Variants in PPP3CB observed in about 807,000 individuals in gnomAD.
PPP3CB encodes serine/threonine-protein phosphatase 2B catalytic subunit beta isoform.
A neutral mutation model predicts 66.4 loss-of-function variants in PPP3CB; 8 were observed. The ratio of observed to expected loss-of-function variants is 0.12; its 90% CI spans 0.07 to 0.22. PPP3CB has a LOEUF of 0.22. PPP3CB is among the 10% of genes least tolerant of loss of function. The pLI, the probability that PPP3CB is intolerant of heterozygous loss-of-function variation, is 1.00. For missense variants in PPP3CB, 319 were observed against 642.5 expected (o/e 0.50, Z 5.44); for synonymous variants, 208 against 221.2 (o/e 0.94, Z 0.53).
Position 73,483,765 on chromosome 10 carries a change from T to C in PPP3CB, c.86-4248A>G, listed in dbSNP as rs183057097. Reference sequence around the variant, plus strand: ...GAGAACGGAGCTTCAGCAGGAGACCTGACGGGGCAAAAGATAACTGTCCAA... The same window carrying C: ...GAGAACGGAGCTTCAGCAGGAGACCCGACGGGGCAAAAGATAACTGTCCAA... On this transcript the variant is annotated intron_variant, in intron 1 of 13. Coordinates refer to ENST00000360663, the MANE Select transcript of PPP3CB (RefSeq NM_021132.4). Among the ~76,000 whole-genome samples the C allele has an allele frequency of 2.4e-3, 364 of 152,364 alleles. 2 individuals are homozygous for C. The highest frequency in any genetic ancestry group is 4.7e-3 in the Non-Finnish European group (320 of 68,038).
intron 13 of PPP3CB, among the ~76,000 whole-genome samples, chr10:73,438,874 C>T (rs2056105123): frequency 6.6e-6 from 1 of 152,046 alleles, no homozygotes; most frequent in Admixed American, 6.6e-5. Flanking sequence ...GTACCAAGAG[C>T]TTGGGAGGAG....
chr10:73,448,897 T>C (rs1198654749), intron 10 of PPP3CB, among the ~76,000 whole-genome samples: 1 of 152,184 alleles, frequency 6.6e-6, no homozygotes, highest in Non-Finnish European at 1.5e-5. Context: ...GGTAGAACTC[T>C]AAAGTAAAGA....
intron 13 of PPP3CB, among the ~76,000 whole-genome samples, chr10:73,438,722 C>A (rs555324634): frequency 5.8e-4 from 89 of 152,292 alleles, no homozygotes; most frequent in Admixed American, 5.9e-4. Context: ...GCAATGGTCT[C>A]AGGGTCTCAG....
chr10:73,469,876 T>C (rs1173563255), intron 8 of PPP3CB, among the ~76,000 whole-genome samples: 2 of 152,198 alleles, frequency 1.3e-5, no homozygotes, highest in Admixed American at 1.3e-4. Flanking sequence ...TATGGCATAG[T>C]CAACTGAATT....
chr10:73,455,406 T>G (rs1267970530), intron 9 of PPP3CB, among the ~76,000 whole-genome samples: 1 of 152,208 alleles, frequency 6.6e-6, no homozygotes, highest in Non-Finnish European at 1.5e-5. Flanking sequence ...ATCCTCAAGA[T>G]TCTCTCTGCA....
intron 4 of PPP3CB, among the ~76,000 whole-genome samples, chr10:73,472,464 C>G (rs1387046196): frequency 1.3e-5 from 2 of 149,322 alleles, no homozygotes; most frequent in Non-Finnish European, 3.0e-5. Flanking sequence ...ACTTGCACTC[C>G]AGCCTGGGCG....
At chr10:73,458,284 G>A (rs141594874) in intron 9 of PPP3CB, among the ~76,000 whole-genome samples, 7,067 of 151,840 alleles carry the variant, frequency 0.047, 503 homozygotes, top group African/African-American at 0.15. Context: ...TTACAGGCAC[G>A]CACCACCACA....
intron 9 of PPP3CB, among the ~76,000 whole-genome samples, chr10:73,455,862 G>A (rs2056418643): frequency 2.0e-5 from 3 of 152,262 alleles, no homozygotes; most frequent in South Asian, 2.1e-4. Flanking sequence ...GAGCCACCGC[G>A]CCCAGCCTGT....
intron 9 of PPP3CB, 144 bp downstream of exon 9, chr10:73,467,409 T>C (rs2056635156): frequency 1.8e-6 from 1 of 564,764 alleles, no homozygotes; most frequent in Middle Eastern, 5.0e-4. Flanking sequence ...GAGACTCTTA[T>C]GTCCACACCC....
intron 4 of PPP3CB, among the ~76,000 whole-genome samples, chr10:73,474,682 C>T (rs1324146529): frequency 6.6e-6 from 1 of 151,926 alleles, no homozygotes; most frequent in African/African-American, 2.4e-5. Context: ...TCAGGCAATC[C>T]CCCTGCCTGG....
intron 9 of PPP3CB, among the ~76,000 whole-genome samples, chr10:73,460,265 C>CA (rs11447229): frequency 0.11 from 3,978 of 35,418 alleles, 169 homozygotes; most frequent in African/African-American, 0.15. Context: ...AAAGTAATAG[C>CA]AAAAAAAAAA....
chr10:73,488,452 T>TGGGG (rs887424035), intron 1 of PPP3CB, among the ~76,000 whole-genome samples: 2 of 150,580 alleles, frequency 1.3e-5, no homozygotes, highest in Non-Finnish European at 2.9e-5. Context: ...GAGGCTGAGT[T>TGGGG]GGGGGATCGC....
At chr10:73,491,355 G>T (rs2057075595) in intron 1 of PPP3CB, among the ~76,000 whole-genome samples, 1 of 151,570 alleles carries the variant, frequency 6.6e-6, no homozygotes, top group South Asian at 2.1e-4. Context: ...AGTAGAGATG[G>T]GGTTTCACCA....
intron 1 of PPP3CB, among the ~76,000 whole-genome samples, chr10:73,480,624 T>C (rs1021876841): frequency 2.0e-5 from 3 of 152,082 alleles, no homozygotes; most frequent in Non-Finnish European, 4.4e-5. Flanking sequence ...TTTGTATTTT[T>C]AGTAGAGACC....
chr10:73,445,686 G>C (rs1235869035), intron 11 of PPP3CB, among the ~76,000 whole-genome samples: 1 of 151,360 alleles, frequency 6.6e-6, no homozygotes, highest in Non-Finnish European at 1.5e-5. Flanking sequence ...GCCCGCTTTG[G>C]CCTCCCAAAG....
At chr10:73,461,869 G>A (rs1479272456) in intron 9 of PPP3CB, among the ~76,000 whole-genome samples, 1 of 152,174 alleles carries the variant, frequency 6.6e-6, no homozygotes, top group Non-Finnish European at 1.5e-5. Context: ...AAAGGTGACT[G>A]GATCATGGGG....
intron 9 of PPP3CB, among the ~76,000 whole-genome samples, chr10:73,462,050 G>A (rs1344374027): frequency 6.6e-6 from 1 of 151,380 alleles, no homozygotes; most frequent in Admixed American, 6.6e-5. Context: ...CTTCCACCAT[G>A]AGAAGTTCCC....
At chr10:73,456,938 G>A (rs563325164) in intron 9 of PPP3CB, among the ~76,000 whole-genome samples, 2 of 152,120 alleles carry the variant, frequency 1.3e-5, no homozygotes, top group African/African-American at 4.8e-5. Context: ...AATCTATAGA[G>A]ACAGAAAGAT....
At chr10:73,444,925 T>C in intron 11 of PPP3CB, 103 bp from the exon 12 acceptor site, 1 of 1,104,726 alleles carries the variant, frequency 9.1e-7, no homozygotes, top group Admixed American at 2.7e-5. Context: ...ATTCATGACA[T>C]TCATTGCTAT....
Sources: allele counts gnomAD v4.1 joint callset (sites outside exome capture counted in the v4.1 genomes callset), GRCh38; gene constraint gnomAD v4.1.1; transcripts MANE v1.5; gene names NCBI Gene and HGNC (gene_info 2026-07-23, HGNC 2026-07-21).